The following NUMB variants were observed in gnomAD, a reference collection of about 807,000 sequenced individuals.
NUMB encodes the protein protein numb homolog.
Under a neutral mutation model 59.7 loss-of-function variants are expected in NUMB, and 29 were observed. The ratio of observed to expected loss-of-function variants is 0.49; its 90% CI spans 0.36 to 0.66. The LOEUF (loss-of-function observed/expected upper bound fraction) is 0.66, where lower values mean the gene tolerates loss of function less well. Ranked by LOEUF, NUMB falls within the 30% of genes least tolerant of loss-of-function variation. The pLI, the probability that NUMB is intolerant of heterozygous loss-of-function variation, is 0.00. For synonymous variants in NUMB, 288 were observed against 288.2 expected (o/e 1.00, Z 0.01); for missense variants, 723 against 822.0 (o/e 0.88, Z 1.47).
intron 4 of NUMB, 21 bp downstream of exon 4, chr14:73,355,605 T>C (rs1456996660): frequency 5.6e-6 from 9 of 1,606,252 alleles, no homozygotes; most frequent in Non-Finnish European, 7.6e-6. Context: ...CATACAGACT[T>C]ATAGAAACAT....
intron 1 of NUMB, among the ~76,000 whole-genome samples, chr14:73,440,763 G>A (rs1292978806): frequency 4.7e-5 from 7 of 150,062 alleles, no homozygotes; most frequent in Admixed American, 2.0e-4. Flanking sequence ...GGGAGGTGGA[G>A]GTTGCAGTGA....
intron 6 of NUMB, among the ~76,000 whole-genome samples, chr14:73,300,959 T>C (rs1036687510): frequency 2.0e-5 from 3 of 152,130 alleles, no homozygotes; most frequent in East Asian, 1.9e-4. Flanking sequence ...TCCAGGCAAA[T>C]TGGTAGAAGA....
chr14:73,424,232 G>C (rs1361797837), intron 1 of NUMB, among the ~76,000 whole-genome samples: 1 of 152,044 alleles, frequency 6.6e-6, no homozygotes, highest in Admixed American at 6.6e-5. Flanking sequence ...TAAAAAGAAA[G>C]ACATAAAATT....
At chr14:73,327,665 G>A (rs1406876245) in intron 4 of NUMB, among the ~76,000 whole-genome samples, 1 of 152,100 alleles carries the variant, frequency 6.6e-6, no homozygotes, top group Non-Finnish European at 1.5e-5. Context: ...TAAAAATCTA[G>A]TATCTGCAAT....
intron 2 of NUMB, among the ~76,000 whole-genome samples, chr14:73,387,826 A>C (rs1895629774): frequency 6.6e-6 from 1 of 151,926 alleles, no homozygotes; most frequent in Non-Finnish European, 1.5e-5. Context: ...TTAAAATGGA[A>C]TAACATTAAA....
chr14:73,369,753 T>C (rs1456095251), intron 2 of NUMB, among the ~76,000 whole-genome samples: 1 of 152,228 alleles, frequency 6.6e-6, no homozygotes, highest in African/African-American at 2.4e-5. Flanking sequence ...GTATGACATA[T>C]GTAGAAAGAA....
intron 1 of NUMB, among the ~76,000 whole-genome samples, chr14:73,433,472 G>A (rs1160951459): frequency 6.6e-6 from 1 of 152,008 alleles, no homozygotes; most frequent in African/African-American, 2.4e-5. Context: ...CAATTATTAG[G>A]TCCAACAATT....
At chr14:73,431,793 T>C (rs903363519) in intron 1 of NUMB, among the ~76,000 whole-genome samples, 1 of 151,972 alleles carries the variant, frequency 6.6e-6, no homozygotes, top group Admixed American at 6.6e-5. Context: ...ATGTGGAATT[T>C]ATCATGACTT....
At chr14:73,296,132 T>A (rs1889754041) in intron 7 of NUMB, among the ~76,000 whole-genome samples, 1 of 152,132 alleles carries the variant, frequency 6.6e-6, no homozygotes, top group Admixed American at 6.5e-5. Context: ...GAGTGGAAAC[T>A]TATTAAAAAA....
chr14:73,429,003 G>C (rs866264620), intron 1 of NUMB, among the ~76,000 whole-genome samples: 1 of 152,132 alleles, frequency 6.6e-6, no homozygotes, highest in Middle Eastern at 3.4e-3. Context: ...AAGATACACA[G>C]AACACCCAAA....
At chr14:73,392,059 G>A (rs967318747) in intron 2 of NUMB, among the ~76,000 whole-genome samples, 1 of 152,086 alleles carries the variant, frequency 6.6e-6, no homozygotes, top group African/African-American at 2.4e-5. Context: ...TTACATGATG[G>A]GGAAATATTA....
chr14:73,414,994 C>T (rs1897066126), intron 1 of NUMB, among the ~76,000 whole-genome samples: 1 of 152,096 alleles, frequency 6.6e-6, no homozygotes. Flanking sequence ...TGCTGGGATA[C>T]AGGTGCGCTA....
chr14:73,386,778 T>A lies in NUMB; in HGVS notation c.-100-19797A>T, dbSNP rs180938033. ...CAACCCATAAGGATTTTGCTGAGAA[T>A]TTGATGTATTGTTTTCAGCCCAATT... is the stretch of plus-strand genomic sequence containing the variant. On this transcript the variant is annotated intron_variant, in intron 2 of 12. Transcript: ENST00000555238. Among the ~76,000 whole-genome samples the A allele has an allele frequency of 7.6e-4, 116 of 151,970 alleles. 2 individuals are homozygous for A. The East Asian group carries it at 0.021, about 28-fold the overall frequency.
In NUMB at chr14:73,284,411, T is replaced by C. The variant is rs763514912; in HGVS notation, c.656-37A>G. The C allele has an allele frequency of 3.2e-6, 5 of 1,561,742 alleles. No homozygotes were observed. The Admixed American group carries it at 7.5e-5, about 24-fold the overall frequency. ...AAAGAGAATGAAGACCTTAGCAATGTCTTCAAATAATTTGCGTTTAGAGAG... is the reference window on the plus strand; with the variant it reads ...AAAGAGAATGAAGACCTTAGCAATGCCTTCAAATAATTTGCGTTTAGAGAG... On this transcript the variant is annotated intron_variant, in intron 9 of 12. Coordinates refer to ENST00000555238, the MANE Select transcript of NUMB (RefSeq NM_001005743.2).
In NUMB at chr14:73,312,765, G is replaced by A. The variant is rs551423541; in HGVS notation, c.234+3625C>T. On this transcript the variant is annotated intron_variant, in intron 6 of 12. Coordinates refer to ENST00000555238, the MANE Select transcript of NUMB (RefSeq NM_001005743.2). ...GCAGAATGCCACTTCATCCCTAGAAGACCCACTTCCTGGCCCCTCAACTGC... is the reference window on the plus strand; with the variant it reads ...GCAGAATGCCACTTCATCCCTAGAAAACCCACTTCCTGGCCCCTCAACTGC... Among the ~76,000 whole-genome samples the A allele has an allele frequency of 2.4e-4, 35 of 147,158 alleles. 1 individual carries two copies. The highest frequency in any genetic ancestry group is 8.3e-4 in the African/African-American group (33 of 39,724).
At chr14:73,287,488 G>T (rs566961361) in intron 8 of NUMB, among the ~76,000 whole-genome samples, 174 bp from the exon 9 acceptor site, 2 of 151,876 alleles carry the variant, frequency 1.3e-5, no homozygotes, top group Non-Finnish European at 2.9e-5. Flanking sequence ...AATACTTCTC[G>T]TGCCTCAGCC....
intron 4 of NUMB, among the ~76,000 whole-genome samples, chr14:73,333,334 A>G (rs1439405007): frequency 6.6e-6 from 1 of 152,186 alleles, no homozygotes; most frequent in African/African-American, 2.4e-5. Context: ...GCTGATAATG[A>G]TGTTGAGTAT....
chr14:73,415,365 T>C (rs4505246), intron 1 of NUMB, among the ~76,000 whole-genome samples: 1 of 152,214 alleles, frequency 6.6e-6, no homozygotes, highest in African/African-American at 2.4e-5. Flanking sequence ...TGAACAATGA[T>C]ATAACCAAAA....
At chr14:73,320,933 TTAAA>T in intron 5 of NUMB, among the ~76,000 whole-genome samples, 1 of 151,998 alleles carries the variant, frequency 6.6e-6, no homozygotes, top group Admixed American at 6.5e-5. Context: ...AACTAGATAG[TTAAA>T]TAGTGGCTAT....
Sources: gnomAD v4.1 joint callset for allele counts (sites outside exome capture counted in the v4.1 genomes callset) on GRCh38, gnomAD v4.1.1 for gene constraint, MANE v1.5 for transcripts, NCBI Gene and HGNC (gene_info 2026-07-23, HGNC 2026-07-21) for gene names.